The following CCAR1 variants were observed in gnomAD, a reference collection of about 807,000 sequenced individuals.
The protein encoded by CCAR1 is cell division cycle and apoptosis regulator 1, also known as cell division cycle and apoptosis regulator protein 1.
CCAR1 carries 78 observed loss-of-function variants against 163.8 expected under a neutral mutation model. That is an observed-to-expected ratio of 0.48 (90% CI 0.40 to 0.57). The LOEUF (loss-of-function observed/expected upper bound fraction) is 0.57. CCAR1 is among the 20% of genes least tolerant of loss of function. The pLI, the probability that CCAR1 is intolerant of heterozygous loss-of-function variation, is 0.00. For missense variants in CCAR1, 1,019 were observed against 1,365.2 expected (o/e 0.75, Z 4.00); for synonymous variants, 443 against 460.7 (o/e 0.96, Z 0.49).
At chr10:68,781,065 C>T (rs1445844643) in intron 19 of CCAR1, among the ~76,000 whole-genome samples, 1 of 151,826 alleles carries the variant, frequency 6.6e-6, no homozygotes, top group African/African-American at 2.4e-5. Flanking sequence ...AACCCTGTCT[C>T]TACTAAAAAT....
intron 5 of CCAR1, 98 bp downstream of exon 5, chr10:68,740,759 G>T: frequency 1.1e-6 from 1 of 899,536 alleles, no homozygotes; most frequent in Non-Finnish European, 1.7e-6. Flanking sequence ...TTAGTTACTT[G>T]TTAGATTCAC....
chr10:68,760,874 A>G, intron 15 of CCAR1, 133 bp from the exon 16 acceptor site: 1 of 390,946 alleles, frequency 2.6e-6, no homozygotes, highest in South Asian at 3.5e-5. Context: ...AAAAAAAACA[A>G]AAAACAAAAA....
intron 14 of CCAR1, 96 bp from the exon 15 acceptor site, chr10:68,757,198 G>T: frequency 1.5e-6 from 1 of 667,286 alleles, no homozygotes; most frequent in Non-Finnish European, 2.5e-6. Context: ...TGAAACATTT[G>T]TGACCTTGCA....
At chr10:68,735,437 G>T (rs2056096723) in intron 2 of CCAR1, among the ~76,000 whole-genome samples, 1 of 147,258 alleles carries the variant, frequency 6.8e-6, no homozygotes, top group Non-Finnish European at 1.5e-5. Context: ...TCCCTCATAG[G>T]ATTATGGCTC....
chr10:68,754,043 ATC>A lies in CCAR1; in HGVS notation c.1311_1312del (p.Pro438ThrfsTer4). 6.2e-7 allele frequency: 1 copy of A among 1,613,838 alleles called. No individual in the cohort carries two copies. The highest frequency in any genetic ancestry group is 8.5e-7 in the Non-Finnish European group (1 of 1,179,772). On this transcript the variant is annotated frameshift_variant, in exon 11 of 25. Transcript: ENST00000265872. ...TTAGAAAAAAATATGGCCATTCTTG[ATC>A]CACCAGATGCTGACCACTTATACAG...
chr10:68,736,877 T>C lies in CCAR1; in HGVS notation c.75T>C (p.Ala25=). 1.3e-6 allele frequency: 2 copies of C among 1,585,698 alleles called. No individual in the cohort carries two copies. Among genetic ancestry groups the C allele is most frequent in the East Asian group, 2.2e-5 (1 of 44,636 alleles). Residue 25 remains alanine, a splice_region_variant and synonymous_variant, in exon 3 of 25, where the codon GCT becomes GCC. Coordinates refer to ENST00000265872, the MANE Select transcript of CCAR1 (RefSeq NM_018237.4). ...QFTATAVSQP[A]ALGVQQPSLL... ...TTTTCCTTTTTGATTTCATTTTAGC[T>C]GCACTGGGTGTTCAACAGCCATCAC...
At chr10:68,721,323 A>C (rs1172466832) in intron 1 of CCAR1, 41 bp downstream of exon 1, 1 of 229,292 alleles carries the variant, frequency 4.4e-6, no homozygotes, top group African/African-American at 2.4e-5. Context: ...TGGGCGGCCA[A>C]GCCGGGTCTC....
chr10:68,729,721 C>T (rs994356846), intron 2 of CCAR1, among the ~76,000 whole-genome samples: 1 of 148,456 alleles, frequency 6.7e-6, no homozygotes, highest in African/African-American at 2.5e-5. Context: ...AAAAAAAATA[C>T]AAAAACATTT....
chr10:68,735,371 C>CTT (rs34103994), intron 2 of CCAR1, among the ~76,000 whole-genome samples: 4,731 of 115,338 alleles, frequency 0.041, 363 homozygotes, highest in African/African-American at 0.13. Flanking sequence ...CGTTTTTGTG[C>CTT]TTTTTTTTTT....
intron 3 of CCAR1, among the ~76,000 whole-genome samples, chr10:68,737,405 G>C (rs539830726): frequency 6.6e-6 from 1 of 151,052 alleles, no homozygotes; most frequent in African/African-American, 2.4e-5. Flanking sequence ...GGGAGGTTGA[G>C]ATGGGAGGAT....
chr10:68,747,944 C>A (rs2056279009), intron 8 of CCAR1, among the ~76,000 whole-genome samples: 1 of 152,112 alleles, frequency 6.6e-6, no homozygotes. Context: ...ACCTCAGCCT[C>A]CCCAGTTCAA....
chr10:68,753,830 A>C (rs769536916), intron 10 of CCAR1, 22 bp from the exon 11 acceptor site: 2 of 1,512,856 alleles, frequency 1.3e-6, no homozygotes, highest in Non-Finnish European at 1.8e-6. Flanking sequence ...CTATTTATTC[A>C]CTACTTATGT....
Position 68,783,999 on chromosome 10 carries a change from C to A in CCAR1, c.2651-2137C>A, listed in dbSNP as rs185958546. Among the ~76,000 whole-genome samples, 417 of 152,090 alleles carry A rather than the reference C, an allele frequency of 2.7e-3. 3 individuals carry two copies. Among genetic ancestry groups the A allele is most frequent in the African/African-American group, 9.4e-3 (389 of 41,518 alleles). On this transcript the variant is annotated intron_variant, in intron 19 of 24. Transcript: ENST00000265872. ...GGTCTCGATCTCCTGACCTCGTGAT[C>A]CGCCCACCTCAGCCTCCCAAAGTGC...
Position 68,736,941 on chromosome 10 carries a change from G to T in CCAR1, c.139G>T (p.Ala47Ser), listed in dbSNP as rs1235426223. 3 of 1,614,012 alleles carry T rather than the reference G, an allele frequency of 1.9e-6. No individual in the cohort carries two copies. The highest frequency in any genetic ancestry group is 2.5e-6 in the Non-Finnish European group (3 of 1,179,966). The change falls in exon 3 of 25, where the codon GCA becomes TCA. Residue 47 changes from alanine (A) to serine (S), a missense_variant. Around this residue, in one of 4 missense-constraint regions of CCAR1, gnomAD observed 644 missense variants for 904.4 expected, o/e 0.71. Coordinates refer to ENST00000265872, the MANE Select transcript of CCAR1 (RefSeq NM_018237.4). ...ASPTIYTQQT[A>S]LAAAGLTTQT... ...TCCTACCATTTATACACAGCAAACT[G>T]CATTGGCAGCAGCAGGCCTTACCAC...
At chr10:68,749,929 C>T (rs148853729) in intron 10 of CCAR1, among the ~76,000 whole-genome samples, 215 of 152,202 alleles carry the variant, frequency 1.4e-3, no homozygotes, top group Non-Finnish European at 2.0e-3. Flanking sequence ...TCTGTCATAA[C>T]GTTATTCCCC....
At chr10:68,782,231 A>G (rs910018484) in intron 19 of CCAR1, among the ~76,000 whole-genome samples, 1 of 152,192 alleles carries the variant, frequency 6.6e-6, no homozygotes, top group Non-Finnish European at 1.5e-5. Context: ...TATAGAAAAA[A>G]GTTTGAGGCT....
chr10:68,730,417 A>G (rs950416987), intron 2 of CCAR1, among the ~76,000 whole-genome samples: 2 of 151,108 alleles, frequency 1.3e-5, no homozygotes, highest in Admixed American at 6.6e-5. Context: ...GGCTCACTGT[A>G]ACCTCCACCT....
intron 2 of CCAR1, among the ~76,000 whole-genome samples, chr10:68,732,868 T>C (rs920980116): frequency 1.3e-5 from 2 of 152,032 alleles, no homozygotes; most frequent in African/African-American, 4.8e-5. Context: ...AAGGCTGCAG[T>C]GAGCTAAGAT....
At chr10:68,760,039 C>T (rs914657616) in intron 15 of CCAR1, among the ~76,000 whole-genome samples, 1 of 151,900 alleles carries the variant, frequency 6.6e-6, no homozygotes, top group Admixed American at 6.6e-5. Flanking sequence ...GCTATGTTCC[C>T]CATGCTGATT....
Sources: gnomAD v4.1 joint callset for allele counts (sites outside exome capture counted in the v4.1 genomes callset) on GRCh38, gnomAD v4.1.1 for gene constraint, gnomAD v4.1.1 regional missense constraint, MANE v1.5 for transcripts, NCBI Gene and HGNC (gene_info 2026-07-23, HGNC 2026-07-21) for gene names.